C3orf20: variants seen among roughly 807,000 people sequenced by gnomAD.
C3orf20 encodes family with sequence similarity 149 member C, also known as uncharacterized protein C3orf20.
Under a neutral mutation model 88.3 loss-of-function variants are expected in C3orf20, and 76 were observed. That is an observed-to-expected ratio of 0.86 (90% CI 0.72 to 1.04). C3orf20 has a LOEUF of 1.04. Ranked by LOEUF, C3orf20 falls within the 50% of genes least tolerant of loss-of-function variation. The pLI, the probability that C3orf20 is intolerant of heterozygous loss-of-function variation, is 0.00. For missense variants in C3orf20, 1,056 were observed against 1,123.3 expected (o/e 0.94, Z 0.86); for synonymous variants, 436 against 437.4 (o/e 1.00, Z 0.04).
intron 10 of C3orf20, chr3:14,722,110 C>G: frequency 3.3e-6 from 1 of 302,444 alleles, no homozygotes; most frequent in South Asian, 4.1e-5. Flanking sequence ...TGAAATGATT[C>G]CACCAGATCT....
At chr3:14,715,514 C>T (rs967327449) in intron 9 of C3orf20, 105 bp downstream of exon 9, 18 of 1,376,754 alleles carry the variant, frequency 1.3e-5, no homozygotes, top group African/African-American at 5.8e-5. Flanking sequence ...CAGGGCTACC[C>T]GTAAGACAGG....
intron 12 of C3orf20, among the ~76,000 whole-genome samples, chr3:14,733,467 A>G (rs2034604773): frequency 6.6e-6 from 1 of 152,160 alleles, no homozygotes; most frequent in Non-Finnish European, 1.5e-5. Context: ...TATCTATTAT[A>G]TGGTGGACTT....
chr3:14,742,804 A>G (rs2034946908), intron 12 of C3orf20, among the ~76,000 whole-genome samples: 2 of 152,332 alleles, frequency 1.3e-5, no homozygotes, highest in East Asian at 3.9e-4. Context: ...TGGCAAGAGA[A>G]AACGAGGAAG....
chr3:14,676,127 T>C (rs1248609017), intron 1 of C3orf20, among the ~76,000 whole-genome samples: 2 of 148,790 alleles, frequency 1.3e-5, no homozygotes, highest in Non-Finnish European at 3.0e-5. Flanking sequence ...TTTTTTTTTT[T>C]GGTCATTATT....
At chr3:14,710,802 G>A (rs1268751228) in intron 7 of C3orf20, among the ~76,000 whole-genome samples, 1 of 152,094 alleles carries the variant, frequency 6.6e-6, no homozygotes, top group Admixed American at 6.5e-5. Context: ...AGAAGAATGT[G>A]TGTTCTGCTG....
At chr3:14,710,958 A>G (rs1474156225) in intron 7 of C3orf20, among the ~76,000 whole-genome samples, 1 of 151,116 alleles carries the variant, frequency 6.6e-6, no homozygotes, top group African/African-American at 2.4e-5. Flanking sequence ...CAGTGGCGCA[A>G]TCTTGGCTGG....
At chr3:14,685,528 CAA>C (rs1391787560) in intron 4 of C3orf20, among the ~76,000 whole-genome samples, 3 of 151,084 alleles carry the variant, frequency 2.0e-5, no homozygotes, top group African/African-American at 7.3e-5. Context: ...GTTAAGAACA[CAA>C]AATCTACTCC....
chr3:14,707,469 G>A (rs1246841688), intron 7 of C3orf20, among the ~76,000 whole-genome samples: 3 of 151,304 alleles, frequency 2.0e-5, no homozygotes, highest in Non-Finnish European at 4.4e-5. Context: ...GTGTGTGTGT[G>A]TGTGTGTGTG....
chr3:14,726,785 A>G (rs2124984904), intron 10 of C3orf20, 116 bp from the exon 11 acceptor site: 1 of 1,404,868 alleles, frequency 7.1e-7, no homozygotes, highest in Non-Finnish European at 9.8e-7. Flanking sequence ...AGGTAGGGGT[A>G]GGGGGGCAGG....
chr3:14,765,895 G>A (rs1313716352), intron 15 of C3orf20, among the ~76,000 whole-genome samples: 3 of 152,244 alleles, frequency 2.0e-5, no homozygotes, highest in Admixed American at 6.5e-5. Context: ...GGGAAGAAAG[G>A]GTCCCCACGG....
chr3:14,730,413 G>C (rs1310222040), intron 12 of C3orf20, among the ~76,000 whole-genome samples: 1 of 152,056 alleles, frequency 6.6e-6, no homozygotes, highest in African/African-American at 2.4e-5. Context: ...CGGGTGTGGT[G>C]GTGGGCGCCT....
chr3:14,753,323 C>T (rs2035271735), intron 12 of C3orf20, among the ~76,000 whole-genome samples: 1 of 152,158 alleles, frequency 6.6e-6, no homozygotes, highest in Non-Finnish European at 1.5e-5. Flanking sequence ...GAACATCACA[C>T]ACCAGGGCCT....
chr3:14,710,891 C>G (rs1056285036), intron 7 of C3orf20, among the ~76,000 whole-genome samples: 2 of 94,204 alleles, frequency 2.1e-5, no homozygotes, highest in East Asian at 5.7e-4. Flanking sequence ...TTCTTTCTTT[C>G]TTTTTCTTTT....
intron 12 of C3orf20, among the ~76,000 whole-genome samples, chr3:14,753,354 GGGAGGGATAGCATTA>G (rs1206734543): frequency 6.6e-6 from 1 of 152,170 alleles, no homozygotes; most frequent in Non-Finnish European, 1.5e-5. Flanking sequence ...CAGGGGCTGG[GGGAGGGATAGCATTA>G]GGAGAAATAC....
chr3:14,748,382 T>A (rs972627819), intron 12 of C3orf20, among the ~76,000 whole-genome samples: 1 of 152,160 alleles, frequency 6.6e-6, no homozygotes, highest in Non-Finnish European at 1.5e-5. Flanking sequence ...AAATATTTAG[T>A]CTGCTCTATA....
intron 12 of C3orf20, among the ~76,000 whole-genome samples, chr3:14,742,388 G>A (rs963986356): frequency 3.3e-5 from 5 of 152,216 alleles, no homozygotes; most frequent in African/African-American, 1.2e-4. Context: ...CCCCATCAGG[G>A]TACATTGGGA....
chr3:14,740,246 T>A lies in C3orf20; in HGVS notation c.1940+11558T>A, dbSNP rs1343236111. Among the ~76,000 whole-genome samples, 7 of 152,324 alleles carry A rather than the reference T, an allele frequency of 4.6e-5. No individual in the cohort carries two copies. The South Asian group carries it at 1.4e-3, about 32-fold the overall frequency. On this transcript the variant is annotated intron_variant, in intron 12 of 16. Coordinates refer to ENST00000253697, the MANE Select transcript of C3orf20 (RefSeq NM_032137.5). ...CTTAGGAATCATTGTAGAGTTACTA[T>A]AGTAGTTGGTCTAATTTCAATATTG...
intron 15 of C3orf20, among the ~76,000 whole-genome samples, chr3:14,766,573 G>A (rs964331393): frequency 2.0e-5 from 3 of 152,212 alleles, no homozygotes; most frequent in Non-Finnish European, 4.4e-5. Context: ...AGCCGGCGAG[G>A]GGGAGGGGGG....
intron 6 of C3orf20, among the ~76,000 whole-genome samples, chr3:14,703,961 G>A (rs1285035518): frequency 6.6e-6 from 1 of 152,046 alleles, no homozygotes; most frequent in Non-Finnish European, 1.5e-5. Flanking sequence ...ATGGGGAGAG[G>A]GCAGCCACTG....
Sources: allele counts gnomAD v4.1 joint callset (sites outside exome capture counted in the v4.1 genomes callset), GRCh38; gene constraint gnomAD v4.1.1; transcripts MANE v1.5; gene names NCBI Gene and HGNC (gene_info 2026-07-23, HGNC 2026-07-21).